Variants in OLA1 observed in about 807,000 individuals in gnomAD.
The protein encoded by OLA1 is Obg like ATPase 1.
OLA1 carries 14 observed loss-of-function variants against 48.4 expected under a neutral mutation model. That is an observed-to-expected ratio of 0.29 (90% confidence interval 0.19 to 0.45). The LOEUF is 0.45. Among genes scored for constraint, OLA1 ranks in the 20% least tolerant of loss-of-function variants. The probability of loss-of-function intolerance (pLI) is 1.00; values close to 1 mark genes in which losing one functional copy is unlikely to be tolerated. For synonymous variants in OLA1, 127 were observed against 150.4 expected (o/e 0.84, Z 1.14); for missense variants, 325 against 467.1 (o/e 0.70, Z 2.80).
chr2:174,219,422 C>CTTTTT (rs1559011396), intron 4 of OLA1, among the ~76,000 whole-genome samples: 2 of 144,196 alleles, frequency 1.4e-5, no homozygotes, highest in African/African-American at 5.2e-5. Flanking sequence ...ATTTTATTTC[C>CTTTTT]CTTTTTTTTT....
intron 1 of OLA1, chr2:174,247,900 C>A: frequency 4.4e-6 from 5 of 1,136,258 alleles, no homozygotes; most frequent in South Asian, 1.5e-5. Flanking sequence ...AAAGTGAAAT[C>A]ACAAAGACCG....
intron 4 of OLA1, among the ~76,000 whole-genome samples, chr2:174,201,628 G>A (rs1687992184): frequency 6.6e-6 from 1 of 152,148 alleles, no homozygotes; most frequent in African/African-American, 2.4e-5. Flanking sequence ...TACTAGAATT[G>A]TTTCTTTAGT....
chr2:174,136,196 T>C (rs1414129456), intron 5 of OLA1, among the ~76,000 whole-genome samples: 1 of 152,132 alleles, frequency 6.6e-6, no homozygotes, highest in Admixed American at 6.5e-5. Flanking sequence ...ACAACGAAGT[T>C]TGCCATATCA....
chr2:174,132,485 G>A (rs1322448342), intron 5 of OLA1, among the ~76,000 whole-genome samples: 1 of 151,870 alleles, frequency 6.6e-6, no homozygotes, highest in African/African-American at 2.4e-5. Context: ...ATACATTTAT[G>A]ACTAAATGTA....
At chr2:174,247,494 G>C (rs905681980) in intron 1 of OLA1, among the ~76,000 whole-genome samples, 3 of 152,146 alleles carry the variant, frequency 2.0e-5, no homozygotes, top group African/African-American at 7.2e-5. Flanking sequence ...CCTGATATAT[G>C]GTTATATGAA....
intron 4 of OLA1, among the ~76,000 whole-genome samples, chr2:174,171,567 G>A (rs1279486934): frequency 6.6e-6 from 1 of 152,112 alleles, no homozygotes; most frequent in Non-Finnish European, 1.5e-5. Flanking sequence ...TAAATTAAGG[G>A]ATAATAAAAA....
In OLA1 at chr2:174,219,006, T is replaced by G. The variant is rs78357038; in HGVS notation, c.373+4027A>C. Among the ~76,000 whole-genome samples the G allele has an allele frequency of 3.2e-3, 429 of 135,646 alleles. 2 individuals are homozygous for G. Among genetic ancestry groups the G allele is most frequent in the African/African-American group, 9.3e-3 (319 of 34,208 alleles). The allele number at this position is 135,646 out of a possible 152,430, so 89.0% of individuals were successfully genotyped here. ...CCGGCTAATTTTTTTTTTTTTTTTT[T>G]GTAGCAATGTGGTCTCCCTGTGCTT... On this transcript the variant is annotated intron_variant, in intron 4 of 10. Transcript: ENST00000284719.
chr2:174,101,693 G>T (rs964329098), intron 7 of OLA1, among the ~76,000 whole-genome samples: 3 of 152,176 alleles, frequency 2.0e-5, no homozygotes, highest in African/African-American at 7.2e-5. Flanking sequence ...AGAAGCAACA[G>T]AGTCAAGGAC....
rs150475372 is a variant in OLA1 at position 174,075,480 on chromosome 2, A to C, written c.1137T>G (p.Asp379Glu). ...RQQGRNYIVE[D>E]GDIIFFKFNT... ...TAAATTTGAAGAAGATAATATCTCC[A>C]TCTTCAACAATATAATTTCTGCCTT... is the stretch of plus-strand genomic sequence containing the variant. Residue 379 changes from aspartate (D) to glutamate (E), a missense_variant, in exon 11 of 11, where the codon GAT becomes GAG. Coordinates refer to ENST00000284719, the MANE Select transcript of OLA1 (RefSeq NM_013341.5). 1.2e-4 allele frequency: 191 copies of C among 1,611,278 alleles called. No homozygotes were observed. The African/African-American group carries it at 2.3e-3, about 20-fold the overall frequency.
At chr2:174,175,126 G>A (rs892140103) in intron 4 of OLA1, among the ~76,000 whole-genome samples, 6 of 151,848 alleles carry the variant, frequency 4.0e-5, no homozygotes, top group African/African-American at 1.4e-4. Context: ...TGACAGGCCC[G>A]AATGTAAGAG....
chr2:174,115,676 T>A (rs1430016915), intron 7 of OLA1, among the ~76,000 whole-genome samples: 1 of 152,192 alleles, frequency 6.6e-6, no homozygotes, highest in Non-Finnish European at 1.5e-5. Context: ...TAACTCGTAT[T>A]CTGTTTTATT....
intron 5 of OLA1, among the ~76,000 whole-genome samples, chr2:174,129,031 A>G (rs1258450195): frequency 6.6e-6 from 1 of 152,132 alleles, no homozygotes; most frequent in African/African-American, 2.4e-5. Flanking sequence ...TGGGGAAGTT[A>G]CCTAACCTCT....
At chr2:174,095,464 T>C (rs1685233799) in intron 7 of OLA1, among the ~76,000 whole-genome samples, 1 of 151,878 alleles carries the variant, frequency 6.6e-6, no homozygotes, top group South Asian at 2.1e-4. Context: ...TTCATGCTTG[T>C]TGGCCACTTG....
At chr2:174,210,828 A>G (rs895219811) in intron 4 of OLA1, among the ~76,000 whole-genome samples, 2 of 152,156 alleles carry the variant, frequency 1.3e-5, no homozygotes, top group Non-Finnish European at 1.5e-5. Context: ...AGACAATAAG[A>G]TTGCTGAAAT....
At chr2:174,166,362 A>G (rs1158397479) in intron 4 of OLA1, among the ~76,000 whole-genome samples, 2 of 150,282 alleles carry the variant, frequency 1.3e-5, no homozygotes, top group Non-Finnish European at 3.0e-5. Context: ...TTTCTTAGAC[A>G]GAACAGATAC....
At chr2:174,092,127 CAAAA>C (rs10542498) in intron 7 of OLA1, among the ~76,000 whole-genome samples, 2 of 84,748 alleles carry the variant, frequency 2.4e-5, no homozygotes, top group Non-Finnish European at 4.9e-5. Flanking sequence ...AACTCCATCT[CAAAA>C]AAAAAAAAAA....
At chr2:174,160,857 C>T (rs1042180904) in intron 4 of OLA1, among the ~76,000 whole-genome samples, 6 of 152,184 alleles carry the variant, frequency 3.9e-5, no homozygotes, top group African/African-American at 9.6e-5. Flanking sequence ...CAAATTACTC[C>T]GGGATGTGGA....
chr2:174,194,263 C>T lies in OLA1; in HGVS notation c.373+28770G>A, dbSNP rs533123862. On this transcript the variant is annotated intron_variant, in intron 4 of 10. Transcript: ENST00000284719. The stretch of plus-strand genomic sequence containing the variant: ...CATCCACTAGTGAAGAAAGAATATA[C>T]AAGAGGGTACCAGGTTCCCCAATTT... Among the ~76,000 whole-genome samples the T allele has an allele frequency of 5.3e-5, 8 of 152,274 alleles. No individual in the cohort carries two copies. In the South Asian group the frequency reaches 1.7e-3, roughly 32 times the overall value.
At chr2:174,180,814 T>C (rs1687515996) in intron 4 of OLA1, among the ~76,000 whole-genome samples, 1 of 152,236 alleles carries the variant, frequency 6.6e-6, no homozygotes, top group East Asian at 1.9e-4. Context: ...GAAGTGTCCA[T>C]GATAAATGCC....
Sources: allele counts gnomAD v4.1 joint callset (sites outside exome capture counted in the v4.1 genomes callset), GRCh38; gene constraint gnomAD v4.1.1; transcripts MANE v1.5; gene names NCBI Gene and HGNC (gene_info 2026-07-23, HGNC 2026-07-21).